Variants in RPH3AL observed in about 807,000 individuals in gnomAD.
The protein encoded by RPH3AL is rabphilin 3A like (without C2 domains).
Under a neutral mutation model 43.1 loss-of-function variants are expected in RPH3AL, and 38 were observed. The observed-to-expected ratio is 0.88, with a 90% confidence interval of 0.68 to 1.15. The LOEUF is 1.15. Ranked by LOEUF, RPH3AL falls within the 50% of genes most tolerant of loss-of-function variation. The probability of loss-of-function intolerance (pLI) is 0.00; values close to 1 mark genes in which losing one functional copy is unlikely to be tolerated. For missense variants in RPH3AL, 462 were observed against 423.2 expected (o/e 1.09, Z -0.81); for synonymous variants, 189 against 176.3 (o/e 1.07, Z -0.57).
intron 6 of RPH3AL, among the ~76,000 whole-genome samples, chr17:258,376 G>T (rs1244830459): frequency 1.3e-5 from 2 of 152,222 alleles, no homozygotes; most frequent in Non-Finnish European, 2.9e-5. Context: ...CCTACAGTCT[G>T]CCACCTTCCC....
chr17:315,088 A>AC (rs2043903346), intron 5 of RPH3AL, among the ~76,000 whole-genome samples: 1 of 12,334 alleles, frequency 8.1e-5, no homozygotes, highest in African/African-American at 6.2e-4. Flanking sequence ...CCTCCACTGA[A>AC]TTGTAGTCCC....
chr17:258,604 G>T (rs1434541090), intron 6 of RPH3AL, among the ~76,000 whole-genome samples: 1 of 152,020 alleles, frequency 6.6e-6, no homozygotes, highest in Admixed American at 6.6e-5. Context: ...CCGTGCCTCA[G>T]CCTTGCCTCC....
rs140870511 is a variant in RPH3AL, at chr17:273,825, G to T, written c.438+7943C>A. Among the ~76,000 whole-genome samples the T allele has an allele frequency of 4.2e-3, 640 of 152,348 alleles. 4 individuals are homozygous for T. Among genetic ancestry groups the T allele is most frequent in the Middle Eastern group, 0.031 (9 of 294 alleles). On this transcript the variant is annotated intron_variant, in intron 6 of 9. Transcript: ENST00000331302. ...TAATCAGGATGTGGCGGGAAATTGAGGAGGCAAAGCCAATGCTGAACAGAG... is the reference window on the plus strand; with the variant it reads ...TAATCAGGATGTGGCGGGAAATTGATGAGGCAAAGCCAATGCTGAACAGAG...
At chr17:291,806 G>C (rs2043054374) in intron 5 of RPH3AL, among the ~76,000 whole-genome samples, 1 of 152,182 alleles carries the variant, frequency 6.6e-6, no homozygotes, top group Admixed American at 6.5e-5. Flanking sequence ...AAGCACGTTG[G>C]AAACAGTCTG....
At chr17:331,953 C>A in intron 2 of RPH3AL, 1 of 1,086,256 alleles carries the variant, frequency 9.2e-7, no homozygotes, top group Non-Finnish European at 1.2e-6. Flanking sequence ...GCAGGGAAGG[C>A]AAACCCCCAA....
intron 6 of RPH3AL, among the ~76,000 whole-genome samples, chr17:261,298 T>A (rs531203805): frequency 6.6e-6 from 1 of 152,316 alleles, no homozygotes; most frequent in South Asian, 2.1e-4. Context: ...GATGAGGCCA[T>A]GAGGGTGATC....
rs150814170 is a variant in RPH3AL, at chr17:294,032, A to C, written c.352-12178T>G. Among the ~76,000 whole-genome samples, 265 of 151,710 alleles carry C rather than the reference A, an allele frequency of 1.7e-3. 1 individual carries two copies. The highest frequency in any genetic ancestry group is 5.3e-3 in the African/African-American group (218 of 41,218). On this transcript the variant is annotated intron_variant, in intron 5 of 9. Coordinates refer to ENST00000331302, the MANE Select transcript of RPH3AL (RefSeq NM_006987.4). ...GACAGAGCAAGACTCGGTCTCAAAA[A>C]AATAAAATAAAAATAAAACCCAGCA... is the stretch of plus-strand genomic sequence containing the variant.
rs534908572 is a variant in RPH3AL, at chr17:278,161, G to A, written c.438+3607C>T. 1.8e-4 allele frequency among the ~76,000 whole-genome samples: 28 copies of A among 152,086 alleles called. 1 individual carries two copies. In the South Asian group the frequency reaches 3.7e-3, roughly 20 times the overall value. ...TGGGAGGTAATTGAATCATGGGGGC[G>A]GTTCCCTCCATACTGTTCTCGTGAT... On this transcript the variant is annotated intron_variant, in intron 6 of 9. Coordinates refer to ENST00000331302, the MANE Select transcript of RPH3AL (RefSeq NM_006987.4).
intron 5 of RPH3AL, among the ~76,000 whole-genome samples, chr17:305,297 T>G (rs1488838495): frequency 1.3e-5 from 2 of 151,774 alleles, no homozygotes; most frequent in African/African-American, 4.8e-5. Context: ...TGAGGCAACG[T>G]CGAGATGGCG....
At position 282,202 on chromosome 17, in the gene RPH3AL, G is replaced by A. The variant is rs535353626; in HGVS notation, c.352-348C>T. On this transcript the variant is annotated intron_variant, in intron 5 of 9. Coordinates refer to ENST00000331302, the MANE Select transcript of RPH3AL (RefSeq NM_006987.4). ...AGGGTCCAGGCAAACACGACAGCAC[G>A]TGATCTGGCCTTCACACAGCCGACG... 4.6e-5 allele frequency among the ~76,000 whole-genome samples: 7 copies of A among 152,366 alleles called. No individual in the cohort carries two copies. In the South Asian group the frequency reaches 8.3e-4, roughly 18 times the overall value.
intron 5 of RPH3AL, among the ~76,000 whole-genome samples, chr17:292,314 G>A (rs1264343301): frequency 1.3e-5 from 2 of 152,236 alleles, no homozygotes; most frequent in Non-Finnish European, 2.9e-5. Context: ...TGCTATAGAC[G>A]CTGTCTGGAA....
Position 319,294 on chromosome 17 carries a change from A to G in RPH3AL, c.351+126T>C, listed in dbSNP as rs1398430800. ...TTAAGTCTTAGTGCTTCTTGCCAAG[A>G]TGCAGAGGATACCACATGCCCAACG... On this transcript the variant is annotated intron_variant, in intron 5 of 9. Coordinates refer to ENST00000331302, the MANE Select transcript of RPH3AL (RefSeq NM_006987.4). 52 of 1,168,230 alleles carry G rather than the reference A, an allele frequency of 4.5e-5. No individual in the cohort carries two copies. The East Asian group carries it at 1.2e-3, about 27-fold the overall frequency. The allele number at this position is 1,168,230 out of a possible 1,614,324, so 72.4% of individuals were successfully genotyped here.
intron 1 of RPH3AL, among the ~76,000 whole-genome samples, chr17:348,224 G>A (rs2045281477): frequency 6.6e-6 from 1 of 152,118 alleles, no homozygotes; most frequent in Non-Finnish European, 1.5e-5. Context: ...AAAAGACCAG[G>A]GATTTGGGCG....
chr17:272,849 A>G (rs1184423000), intron 6 of RPH3AL, among the ~76,000 whole-genome samples: 1 of 151,638 alleles, frequency 6.6e-6, no homozygotes, highest in African/African-American at 2.4e-5. Context: ...TCAATCAACA[A>G]GCAGGAGAGA....
chr17:336,726 C>T (rs2044965139), intron 1 of RPH3AL, among the ~76,000 whole-genome samples: 1 of 152,230 alleles, frequency 6.6e-6, no homozygotes, highest in African/African-American at 2.4e-5. Flanking sequence ...TCAAGGCCGT[C>T]CATGATCTGG....
At chr17:312,939 A>G (rs116256604) in intron 5 of RPH3AL, among the ~76,000 whole-genome samples, 126 of 152,302 alleles carry the variant, frequency 8.3e-4, no homozygotes, top group African/African-American at 3.0e-3. Flanking sequence ...CACTCCTGAA[A>G]GTACAGATGA....
intron 3 of RPH3AL, among the ~76,000 whole-genome samples, chr17:326,440 G>A (rs1290924397): frequency 2.0e-5 from 3 of 152,172 alleles, no homozygotes; most frequent in Non-Finnish European, 4.4e-5. Context: ...CTTATCACAT[G>A]CCAGAGACGC....
At chr17:221,392 C>A (rs2040969240) in intron 7 of RPH3AL, among the ~76,000 whole-genome samples, 2 of 142,516 alleles carry the variant, frequency 1.4e-5, no homozygotes, top group South Asian at 4.5e-4. Context: ...ACAACAGACC[C>A]AAGAACAACA....
intron 6 of RPH3AL, among the ~76,000 whole-genome samples, chr17:252,014 C>T (rs528681797): frequency 6.6e-6 from 1 of 151,660 alleles, no homozygotes; most frequent in African/African-American, 2.4e-5. Context: ...GCTCTGTCAC[C>T]CAGGACGGAG....
Sources: gnomAD v4.1 joint callset for allele counts (sites outside exome capture counted in the v4.1 genomes callset) on GRCh38, gnomAD v4.1.1 for gene constraint, MANE v1.5 for transcripts, NCBI Gene and HGNC (gene_info 2026-07-23, HGNC 2026-07-21) for gene names.